The following PDPK1 variants were observed in gnomAD, a reference collection of about 807,000 sequenced individuals.
The protein encoded by PDPK1 is 3-phosphoinositide-dependent protein kinase 1.
Under a neutral mutation model 39.8 loss-of-function variants are expected in PDPK1, and 7 were observed. The ratio of observed to expected loss-of-function variants is 0.18; its 90% CI spans 0.10 to 0.33. PDPK1 has a LOEUF of 0.33. PDPK1 is among the 10% of genes least tolerant of loss of function. PDPK1 has a pLI of 1.00. For synonymous variants in PDPK1, 118 were observed against 159.1 expected, an observed-to-expected ratio of 0.74 and a Z score of 1.95; for missense variants, 182 against 384.7, an observed-to-expected ratio of 0.47 and a Z score of 4.41.
intron 11 of PDPK1, among the ~76,000 whole-genome samples, chr16:2,591,516 A>G (rs2066989895): frequency 6.6e-6 from 1 of 151,862 alleles, no homozygotes; most frequent in African/African-American, 2.4e-5. Context: ...CAAGAAGAAT[A>G]TCCACAAACA....
intron 10 of PDPK1, 63 bp from the exon 11 acceptor site, chr16:2,586,613 T>G (rs951980537): frequency 2.1e-6 from 3 of 1,435,730 alleles, no homozygotes; most frequent in African/African-American, 2.8e-5. Context: ...CGGGAGGGGC[T>G]GGGGTTTTAG....
In PDPK1 at chr16:2,599,479, C is replaced by T. The variant is rs2067170398; in HGVS notation, c.*1712C>T. 2 of 233,040 alleles carry T rather than the reference C, an allele frequency of 8.6e-6. No homozygotes were observed. The highest frequency in any genetic ancestry group is 1.1e-4 in the Admixed American group (2 of 17,776). 14.4% of individuals were successfully genotyped at this position (233,040 alleles called of 1,614,324 possible). On this transcript the variant is annotated 3_prime_UTR_variant, in exon 14 of 14. Transcript: ENST00000342085. Reference sequence around the variant, plus strand: ...CCCTGCCTGTGGTTCCTGCCTGGGCCTTGGCTGCTGCTGTGTGAGAGCTGC... The same window carrying T: ...CCCTGCCTGTGGTTCCTGCCTGGGCTTTGGCTGCTGCTGTGTGAGAGCTGC...
intron 1 of PDPK1, among the ~76,000 whole-genome samples, chr16:2,540,552 C>T (rs1409996690): frequency 1.3e-5 from 2 of 152,178 alleles, no homozygotes; most frequent in African/African-American, 4.8e-5. Context: ...GTAAGGAAAT[C>T]TTCAGTGCCA....
intron 11 of PDPK1, among the ~76,000 whole-genome samples, chr16:2,595,289 C>G (rs993681560): frequency 6.6e-6 from 1 of 152,184 alleles, no homozygotes. Flanking sequence ...GTTCTTACGT[C>G]CAACTTGGGT....
At chr16:2,538,622 C>T in intron 1 of PDPK1, 1 of 1,289,036 alleles carries the variant, frequency 7.8e-7, no homozygotes, top group Non-Finnish European at 1.0e-6. Context: ...TTTCCAGATT[C>T]TTGATGACAG....
Position 2,545,378 on chromosome 16 carries a change from C to G in PDPK1, c.24+7242C>G, listed in dbSNP as rs181064597. Among the ~76,000 whole-genome samples the G allele has an allele frequency of 2.0e-5, 3 of 151,628 alleles. No homozygotes were observed. The East Asian group carries it at 5.8e-4, about 29-fold the overall frequency. ...ACAGAGTTTTGCTCTGTTGCCCAAA[C>G]TAGAATGCAGTGGCATGATCATAGC... On this transcript the variant is annotated intron_variant, in intron 1 of 13. Coordinates refer to ENST00000342085, the MANE Select transcript of PDPK1 (RefSeq NM_002613.5).
At chr16:2,538,233 A>T (rs1246178542) in intron 1 of PDPK1, 97 bp downstream of exon 1, 1 of 579,286 alleles carries the variant, frequency 1.7e-6, no homozygotes. Context: ...CGGGGTCCCG[A>T]GGGCCGGGTG....
At position 2,598,050 on chromosome 16, in the gene PDPK1, A is replaced by C. The variant is rs561226269; in HGVS notation, c.*283A>C. ...CTCGTTGCCGTGGGGACCCAGCTCCATGCACGTCAACCCAGTCCCGCCCAG... is the reference window on the plus strand; with the variant it reads ...CTCGTTGCCGTGGGGACCCAGCTCCCTGCACGTCAACCCAGTCCCGCCCAG... On this transcript the variant is annotated 3_prime_UTR_variant, in exon 14 of 14. Transcript: ENST00000342085. 93 of 491,784 alleles carry C rather than the reference A, an allele frequency of 1.9e-4. No individual in the cohort carries two copies. The highest frequency in any genetic ancestry group is 5.6e-4 in the Admixed American group (16 of 28,560). 30.5% of individuals were successfully genotyped at this position (491,784 alleles called of 1,614,324 possible).
At position 2,577,963 on chromosome 16, in the gene PDPK1, T is replaced by A. The variant is rs2066748803; in HGVS notation, c.785+463T>A. On this transcript the variant is annotated intron_variant, in intron 7 of 13. Transcript: ENST00000342085. The stretch of plus-strand genomic sequence containing the variant: ...CATGTTGGCTAGGATGGTCTCGATC[T>A]CTTGAGCTCGTGATCTGCCAGCCTC... 5.4e-5 allele frequency among the ~76,000 whole-genome samples: 8 copies of A among 148,270 alleles called. No individual in the cohort carries two copies. The South Asian group carries it at 1.7e-3, about 31-fold the overall frequency.
Position 2,586,770 on chromosome 16 carries a change from G to T in PDPK1, c.1220G>T (p.Arg407Met). The change falls in exon 11 of 14, where the codon AGG (arginine) becomes ATG (methionine). Residue 407 changes from arginine to methionine, a missense_variant. Physicochemically the swap from Arg to Met is moderately conservative, Grantham distance 91. Around this residue, in one of 5 missense-constraint regions of PDPK1, gnomAD observed 90 missense variants for 111.9 expected, o/e 0.80. Coordinates refer to ENST00000342085, the MANE Select transcript of PDPK1 (RefSeq NM_002613.5). The part of the protein sequence containing the change: ...LSASDTGLPQ[R>M]SGSNIEQYIH... ...GCCTCCGACACGGGCCTGCCCCAGA[G>T]GTCAGGCAGCAACATAGAGCAGTAC... 1 of 1,614,242 alleles carries T rather than the reference G, an allele frequency of 6.2e-7. No individual in the cohort carries two copies. The highest frequency in any genetic ancestry group is 1.1e-5 in the South Asian group (1 of 91,088).
intron 11 of PDPK1, among the ~76,000 whole-genome samples, chr16:2,590,850 G>A (rs1489054471): frequency 6.6e-6 from 1 of 151,864 alleles, no homozygotes; most frequent in African/African-American, 2.4e-5. Flanking sequence ...CTCTCACTAT[G>A]TTACCCAGGC....
chr16:2,573,985 G>T (rs1278051940), intron 6 of PDPK1, among the ~76,000 whole-genome samples: 3 of 26,362 alleles, frequency 1.1e-4, no homozygotes, highest in Non-Finnish European at 1.9e-4. Context: ...TAGTAGAAAC[G>T]GGGTTTCACC....
At position 2,599,663 on chromosome 16, in the gene PDPK1, T is replaced by C. The variant is rs1350273431; in HGVS notation, c.*1896T>C. 1 of 233,062 alleles carries C rather than the reference T, an allele frequency of 4.3e-6. No homozygotes were observed. The highest frequency in any genetic ancestry group is 2.2e-5 in the African/African-American group (1 of 45,346). The allele number at this position is 233,062 out of a possible 1,614,324, so 14.4% of individuals were successfully genotyped here. On this transcript the variant is annotated 3_prime_UTR_variant, in exon 14 of 14. Transcript: ENST00000342085. ...GGCTTTTGGAAAGGCTTGGCTGTGT[T>C]GGGGAGTCTCTCTTAGCCCTTTCAG...
chr16:2,596,595 A>G (rs977761313), intron 12 of PDPK1, among the ~76,000 whole-genome samples: 2 of 152,242 alleles, frequency 1.3e-5, no homozygotes, highest in African/African-American at 2.4e-5. Flanking sequence ...TTATTTGGTC[A>G]TCTTGTACCT....
chr16:2,541,072 T>C (rs530490235), intron 1 of PDPK1, among the ~76,000 whole-genome samples: 212 of 152,226 alleles, frequency 1.4e-3, no homozygotes, highest in Non-Finnish European at 2.5e-3. Context: ...CCAAGCTGAG[T>C]CTAGAGCTGG....
intron 7 of PDPK1, chr16:2,579,291 CGGGGGGGGG>C (rs1222126260): frequency 2.2e-5 from 2 of 88,964 alleles, no homozygotes; most frequent in African/African-American, 9.6e-5. Flanking sequence ...GGGGGGTGGG[CGGGGGGGGG>C]GCGCGACGTA....
chr16:2,586,962 G>A (rs2066889860), intron 11 of PDPK1, 69 bp downstream of exon 11: 5 of 1,376,822 alleles, frequency 3.6e-6, no homozygotes, highest in East Asian at 2.3e-5. Context: ...GGCTTATGGT[G>A]GGTGCCTTTG....
intron 1 of PDPK1, among the ~76,000 whole-genome samples, chr16:2,547,202 C>T (rs562777025): frequency 1.1e-3 from 172 of 149,920 alleles, no homozygotes; most frequent in African/African-American, 4.3e-3. Flanking sequence ...GGAAGGCTGA[C>T]GGCTGCTCAT....
At chr16:2,538,681 G>A (rs767501518) in intron 1 of PDPK1, 11 of 1,288,154 alleles carry the variant, frequency 8.5e-6, no homozygotes, top group African/African-American at 6.1e-5. Flanking sequence ...GCATTTGGGT[G>A]CTTTTGCTGC....
Sources: gnomAD v4.1 joint callset for allele counts (sites outside exome capture counted in the v4.1 genomes callset) on GRCh38, gnomAD v4.1.1 for gene constraint, gnomAD v4.1.1 regional missense constraint, MANE v1.5 for transcripts, NCBI Gene and HGNC (gene_info 2026-07-23, HGNC 2026-07-21) for gene names.